NRXN3: variants seen among roughly 807,000 people sequenced by gnomAD.
The protein encoded by NRXN3 is neurexin III.
In NRXN3, 32 loss-of-function variants were observed where a neutral mutation model predicts 137.6. That is an observed-to-expected ratio of 0.23 (90% CI 0.18 to 0.31). The LOEUF (loss-of-function observed/expected upper bound fraction) is 0.31, where lower values mean the gene tolerates loss of function less well. NRXN3 is among the 10% of genes least tolerant of loss of function. The probability of loss-of-function intolerance (pLI) is 1.00; values close to 1 mark genes in which losing one functional copy is unlikely to be tolerated. For synonymous variants in NRXN3, 798 were observed against 784.5 expected (o/e 1.02, Z -0.29); for missense variants, 1,574 against 2,062.5 (o/e 0.76, Z 4.59).
chr14:78,180,280 G>A (rs894882975), intron 1 of NRXN3, among the ~76,000 whole-genome samples: 3 of 152,112 alleles, frequency 2.0e-5, no homozygotes, highest in Non-Finnish European at 4.4e-5. Flanking sequence ...GAGTCCTAGC[G>A]GAGTTGAAAA....
intron 8 of NRXN3, among the ~76,000 whole-genome samples, chr14:78,803,166 A>G (rs1252316919): frequency 6.6e-6 from 1 of 152,100 alleles, no homozygotes; most frequent in East Asian, 1.9e-4. Context: ...CTCTCTGGTA[A>G]ATATCGATTT....
At chr14:78,360,673 G>C (rs1301077695) in intron 4 of NRXN3, among the ~76,000 whole-genome samples, 1 of 152,188 alleles carries the variant, frequency 6.6e-6, no homozygotes, top group Admixed American at 6.5e-5. Context: ...CCTGCACATA[G>C]TAAGGGTTCA....
At chr14:78,897,233 C>T (rs992238333) in intron 10 of NRXN3, among the ~76,000 whole-genome samples, 3 of 151,666 alleles carry the variant, frequency 2.0e-5, no homozygotes, top group East Asian at 1.9e-4. Context: ...TTGTAATGGG[C>T]GATCATTGGA....
chr14:78,888,454 C>T (rs963314328), intron 10 of NRXN3, among the ~76,000 whole-genome samples: 5 of 151,862 alleles, frequency 3.3e-5, no homozygotes, highest in African/African-American at 1.2e-4. Flanking sequence ...GGGTAGTGTC[C>T]TAGAAACAAT....
intron 19 of NRXN3, among the ~76,000 whole-genome samples, chr14:79,763,489 C>CCTG (rs1555699072): frequency 6.6e-6 from 1 of 150,820 alleles, no homozygotes; most frequent in Non-Finnish European, 1.5e-5. Flanking sequence ...TAATGCCATT[C>CCTG]ATGACAGTGA....
chr14:79,528,367 T>G (rs913137839), intron 16 of NRXN3, among the ~76,000 whole-genome samples: 1 of 152,178 alleles, frequency 6.6e-6, no homozygotes, highest in African/African-American at 2.4e-5. Flanking sequence ...CATCACATAC[T>G]TCAATCTAAT....
At chr14:79,127,250 C>G (rs1234903407) in intron 15 of NRXN3, among the ~76,000 whole-genome samples, 1 of 152,150 alleles carries the variant, frequency 6.6e-6, no homozygotes, top group African/African-American at 2.4e-5. Context: ...AGTCCTCACC[C>G]ATGCCTATGT....
chr14:79,051,221 G>GA (rs35729043), intron 15 of NRXN3, among the ~76,000 whole-genome samples: 270 of 150,964 alleles, frequency 1.8e-3, no homozygotes, highest in Middle Eastern at 0.01. Flanking sequence ...CGTTTCCTCT[G>GA]AAAAAAAAAT....
At chr14:79,037,629 A>T (rs1434125022) in intron 15 of NRXN3, among the ~76,000 whole-genome samples, 5 of 152,140 alleles carry the variant, frequency 3.3e-5, no homozygotes, top group Non-Finnish European at 7.4e-5. Flanking sequence ...CTCCTTGCTC[A>T]GTATTCTCCC....
intron 4 of NRXN3, among the ~76,000 whole-genome samples, chr14:78,528,390 A>T (rs2096411383): frequency 1.3e-5 from 2 of 152,132 alleles, no homozygotes; most frequent in African/African-American, 4.8e-5. Context: ...CACACTCCTG[A>T]TTAAATGTGA....
intron 9 of NRXN3, among the ~76,000 whole-genome samples, chr14:78,804,914 C>T (rs2098852085): frequency 6.6e-6 from 1 of 152,154 alleles, no homozygotes; most frequent in South Asian, 2.1e-4. Flanking sequence ...TGTTTGGATA[C>T]AGTGATACCT....
intron 15 of NRXN3, among the ~76,000 whole-genome samples, chr14:79,459,897 A>T (rs1211135663): frequency 6.6e-6 from 1 of 152,086 alleles, no homozygotes. Flanking sequence ...CTTTATTTTT[A>T]GGTCAATTTT....
At chr14:79,560,504 C>CTTGTTTTTTTTTTTT (rs2097482002) in intron 16 of NRXN3, among the ~76,000 whole-genome samples, 1 of 43,770 alleles carries the variant, frequency 2.3e-5, no homozygotes. Flanking sequence ...AGATTGTAAG[C>CTTGTTTTTTTTTTTT]TTTTTTTTTT....
chr14:79,831,583 C>T (rs1007155071), intron 20 of NRXN3, among the ~76,000 whole-genome samples: 1 of 152,134 alleles, frequency 6.6e-6, no homozygotes, highest in Non-Finnish European at 1.5e-5. Flanking sequence ...TTTCTAGCTT[C>T]ACTTAGTATG....
At chr14:79,598,568 A>G (rs1005882270) in intron 16 of NRXN3, among the ~76,000 whole-genome samples, 6 of 152,214 alleles carry the variant, frequency 3.9e-5, no homozygotes, top group Non-Finnish European at 7.3e-5. Context: ...TGTTACTAAT[A>G]GCTGTGGAAG....
intron 16 of NRXN3, among the ~76,000 whole-genome samples, chr14:79,658,071 C>T (rs930305094): frequency 2.6e-5 from 4 of 152,096 alleles, no homozygotes; most frequent in African/African-American, 9.7e-5. Context: ...GTTAGGCCTA[C>T]ATAAAATATG....
intron 20 of NRXN3, among the ~76,000 whole-genome samples, chr14:79,839,800 G>A (rs1217870548): frequency 2.0e-5 from 3 of 152,108 alleles, no homozygotes; most frequent in African/African-American, 7.2e-5. Flanking sequence ...GCTCAGGAAG[G>A]GAATCAAATC....
At chr14:78,603,470 ATTTTAC>A (rs1432871934) in intron 4 of NRXN3, among the ~76,000 whole-genome samples, 1 of 152,190 alleles carries the variant, frequency 6.6e-6, no homozygotes, top group Non-Finnish European at 1.5e-5. Flanking sequence ...AGTGTAGAGT[ATTTTAC>A]ATATAATTTA....
chr14:79,083,158 G>T (rs796474108), intron 15 of NRXN3, among the ~76,000 whole-genome samples: 1 of 152,162 alleles, frequency 6.6e-6, no homozygotes, highest in African/African-American at 2.4e-5. Flanking sequence ...TAAGCTTGTT[G>T]TTCCTGAGGC....
Sources: gnomAD v4.1 joint callset for allele counts (sites outside exome capture counted in the v4.1 genomes callset) on GRCh38, gnomAD v4.1.1 for gene constraint, MANE v1.5 for transcripts, NCBI Gene and HGNC (gene_info 2026-07-23, HGNC 2026-07-21) for gene names.